ESRRB: variants seen among roughly 807,000 people sequenced by gnomAD.
The protein encoded by ESRRB is estrogen related receptor beta.
A neutral mutation model predicts 46.0 loss-of-function variants in ESRRB; 16 were observed. That is an observed-to-expected ratio of 0.35 (90% CI 0.24 to 0.53). The LOEUF is 0.53. ESRRB is among the 20% of genes least tolerant of loss of function. The probability of loss-of-function intolerance (pLI) is 0.93; values close to 1 mark genes in which losing one functional copy is unlikely to be tolerated. For synonymous variants in ESRRB, 246 were observed against 259.6 expected (o/e 0.95, Z 0.50); for missense variants, 488 against 607.4 (o/e 0.80, Z 2.07).
At chr14:76,350,757 G>T (rs954222218) in intron 1 of ESRRB, among the ~76,000 whole-genome samples, 2 of 152,194 alleles carry the variant, frequency 1.3e-5, no homozygotes, top group East Asian at 3.9e-4. Context: ...CCACAAGGCT[G>T]ATGGCCTCTA....
intron 1 of ESRRB, among the ~76,000 whole-genome samples, chr14:76,340,091 G>T (rs554345740): frequency 2.0e-5 from 3 of 152,062 alleles, no homozygotes; most frequent in Non-Finnish European, 4.4e-5. Context: ...GATAACAATT[G>T]GGGGGCAGGG....
chr14:76,407,552 G>A (rs1566880860), intron 1 of ESRRB: 1 of 985,700 alleles, frequency 1.0e-6, no homozygotes, highest in Non-Finnish European at 1.2e-6. Context: ...GGCCAGAGGT[G>A]ATCCAGTGAT....
chr14:76,482,512 A>T lies in ESRRB; in HGVS notation c.689-86A>T, dbSNP rs1175988167. ...CCTTCCTGGAGCTCTTAGGAACCCA[A>T]CTTTGCTTCCTGACCCATCTGAGCC... On this transcript the variant is annotated intron_variant, in intron 4 of 6. Transcript: ENST00000644823. The surrounding 1 kb of genome is among the most constrained non-coding windows in gnomAD (Gnocchi z 4.3). 12 of 1,468,750 alleles carry T rather than the reference A, an allele frequency of 8.2e-6. No homozygotes were observed. Among genetic ancestry groups the T allele is most frequent in the Non-Finnish European group, 1.1e-5 (12 of 1,053,108 alleles). 91.0% of individuals were successfully genotyped at this position (1,468,750 alleles called of 1,614,324 possible).
At chr14:76,433,832 C>T (rs950704301) in intron 1 of ESRRB, among the ~76,000 whole-genome samples, 1 of 152,192 alleles carries the variant, frequency 6.6e-6, no homozygotes, top group African/African-American at 2.4e-5. Context: ...ATGGAATCTG[C>T]TGCCCACCGC....
upstream of ESRRB, among the ~76,000 whole-genome samples, chr14:76,374,607 G>A (rs1025200982): frequency 5.3e-5 from 8 of 152,138 alleles, 1 homozygote; most frequent in Non-Finnish European, 1.2e-4. Context: ...AAAGGATGCC[G>A]AAAAACCAGT....
chr14:76,371,801 C>T (rs1385824629), upstream of ESRRB, among the ~76,000 whole-genome samples: 1 of 152,196 alleles, frequency 6.6e-6, no homozygotes, highest in African/African-American at 2.4e-5. Context: ...GTCCTCTACT[C>T]TCCTGGGGAC....
At chr14:76,478,272 A>G (rs1013242527) in intron 3 of ESRRB, among the ~76,000 whole-genome samples, 1 of 152,156 alleles carries the variant, frequency 6.6e-6, no homozygotes, top group African/African-American at 2.4e-5. Flanking sequence ...CCAGCCTGGC[A>G]TGGGGATGAG....
At chr14:76,415,145 G>A (rs900959993) in intron 1 of ESRRB, among the ~76,000 whole-genome samples, 2 of 152,110 alleles carry the variant, frequency 1.3e-5, no homozygotes, top group Non-Finnish European at 1.5e-5. Flanking sequence ...CTGGCAAGAC[G>A]CTAACTCCAG....
chr14:76,378,122 AT>A (rs1884855765), intron 1 of ESRRB, among the ~76,000 whole-genome samples: 2 of 152,202 alleles, frequency 1.3e-5, no homozygotes, highest in African/African-American at 4.8e-5. Context: ...TATGACAAAT[AT>A]TGGATATTTA....
chr14:76,488,321 G>C (rs1890094204), intron 5 of ESRRB, among the ~76,000 whole-genome samples: 1 of 152,136 alleles, frequency 6.6e-6, no homozygotes, highest in Admixed American at 6.5e-5. Flanking sequence ...GGAAGAGAGT[G>C]ATCAGGGGCT....
rs1162643888 is a variant in ESRRB at position 76,500,918 on chromosome 14, G to A, written c.*2460G>A. 15 of 639,000 alleles carry A rather than the reference G, an allele frequency of 2.3e-5. No homozygotes were observed. Among genetic ancestry groups the A allele is most frequent in the South Asian group, 1.3e-4 (7 of 55,504 alleles). The allele number at this position is 639,000 out of a possible 1,614,324, so 39.6% of individuals were successfully genotyped here. Reference sequence around the variant, plus strand: ...CAACAGGAAATGTGTCAGTAACAATGGAACTCCATCCAATGGGAAAGTTCC... The same window carrying A: ...CAACAGGAAATGTGTCAGTAACAATAGAACTCCATCCAATGGGAAAGTTCC... On this transcript the variant is annotated 3_prime_UTR_variant, in exon 7 of 7. Transcript: ENST00000644823.
chr14:76,397,311 C>A (rs1461319458), intron 1 of ESRRB, among the ~76,000 whole-genome samples: 1 of 152,142 alleles, frequency 6.6e-6, no homozygotes, highest in Non-Finnish European at 1.5e-5. Context: ...CCCTAGCGGC[C>A]AAGACCCCAG....
intron 1 of ESRRB, among the ~76,000 whole-genome samples, chr14:76,318,727 G>A (rs959075706): frequency 4.6e-5 from 7 of 152,226 alleles, no homozygotes; most frequent in African/African-American, 1.7e-4. Flanking sequence ...AGCCACTGCT[G>A]TGGGTGAGGA....
chr14:76,482,485 G>T lies in ESRRB; in HGVS notation c.689-113G>T. On this transcript the variant is annotated intron_variant, in intron 4 of 6. Transcript: ENST00000644823. The surrounding 1 kb of genome is among the most constrained non-coding windows in gnomAD (Gnocchi z 4.3). ...CAGGAGGGGAGATTATAGCCGCTTT[G>T]ACCTTCCTGGAGCTCTTAGGAACCC... The T allele has an allele frequency of 9.4e-7, 1 of 1,067,986 alleles. No individual in the cohort carries two copies. Among genetic ancestry groups the T allele is most frequent in the African/African-American group, 1.6e-5 (1 of 64,448 alleles). 66.2% of individuals were successfully genotyped at this position (1,067,986 alleles called of 1,614,324 possible). A position where few individuals can be genotyped will look rare whatever the true frequency, so the allele number is the denominator to read the frequency against.
chr14:76,324,963 CTT>C (rs34780208), intron 1 of ESRRB, among the ~76,000 whole-genome samples: 182 of 102,188 alleles, frequency 1.8e-3, no homozygotes, highest in South Asian at 4.3e-3. Context: ...TTTTCTTTTT[CTT>C]TTTTTTTTTT....
intron 1 of ESRRB, among the ~76,000 whole-genome samples, chr14:76,421,098 T>A (rs1460423248): frequency 2.0e-5 from 3 of 152,160 alleles, no homozygotes; most frequent in Non-Finnish European, 4.4e-5. Flanking sequence ...CTGCCAGCTG[T>A]CAGCAGCCTT....
At chr14:76,357,546 G>A (rs116763178) in intron 1 of ESRRB, among the ~76,000 whole-genome samples, 3,353 of 152,146 alleles carry the variant, frequency 0.022, 123 homozygotes, top group African/African-American at 0.077. Flanking sequence ...TGGGGGTCTC[G>A]CTCCCTGCCT....
chr14:76,343,644 C>A (rs1292296651), intron 1 of ESRRB, among the ~76,000 whole-genome samples: 1 of 152,162 alleles, frequency 6.6e-6, no homozygotes, highest in Non-Finnish European at 1.5e-5. Flanking sequence ...CCACGTGGGC[C>A]CCTCCACGGG....
At chr14:76,476,233 T>G (rs888173888) in intron 3 of ESRRB, among the ~76,000 whole-genome samples, 3 of 152,200 alleles carry the variant, frequency 2.0e-5, no homozygotes, top group African/African-American at 4.8e-5. Flanking sequence ...ATATTAAAAT[T>G]TTGACCTGTA....
Sources: gnomAD v4.1 joint callset for allele counts (sites outside exome capture counted in the v4.1 genomes callset) on GRCh38, gnomAD v4.1.1 for gene constraint, Gnocchi (gnomAD v3.1) non-coding constraint, MANE v1.5 for transcripts, NCBI Gene and HGNC (gene_info 2026-07-23, HGNC 2026-07-21) for gene names.